SCIN: variants seen among roughly 807,000 people sequenced by gnomAD.
SCIN encodes adseverin.
Under a neutral mutation model 91.8 loss-of-function variants are expected in SCIN, and 91 were observed. The observed-to-expected ratio is 0.99, with a 90% CI of 0.84 to 1.18. The LOEUF is 1.18. SCIN is among the 50% of genes most tolerant of loss of function. The probability of loss-of-function intolerance (pLI) is 0.00; values close to 1 mark genes in which losing one functional copy is unlikely to be tolerated. For missense variants in SCIN, 1,087 were observed against 863.9 expected, an observed-to-expected ratio of 1.26 and a Z score of -3.24; for synonymous variants, 367 against 312.6, an observed-to-expected ratio of 1.17 and a Z score of -1.84.
intron 9 of SCIN, 85 bp downstream of exon 9, chr7:12,629,307 A>G (rs746287125): frequency 8.0e-7 from 1 of 1,256,592 alleles, no homozygotes; most frequent in African/African-American, 1.5e-5. Context: ...TATGGGGTAG[A>G]ATAATCCTAT....
chr7:12,611,390 G>C (rs1031746808), intron 4 of SCIN, among the ~76,000 whole-genome samples: 10 of 152,128 alleles, frequency 6.6e-5, no homozygotes, highest in African/African-American at 2.4e-4. Flanking sequence ...ATTGGAATTT[G>C]GAAGCTTAGG....
intron 3 of SCIN, among the ~76,000 whole-genome samples, chr7:12,603,197 T>A (rs1782994159): frequency 6.6e-6 from 1 of 152,120 alleles, no homozygotes; most frequent in African/African-American, 2.4e-5. Flanking sequence ...CAGGCTGTAG[T>A]GCAATGGCAT....
intron 3 of SCIN, among the ~76,000 whole-genome samples, chr7:12,603,165 GACAGTGTC>G (rs1562608882): frequency 6.6e-6 from 1 of 150,674 alleles, no homozygotes; most frequent in African/African-American, 2.4e-5. Flanking sequence ...TTTTTTTTGA[GACAGTGTC>G]TCGCTCTGTC....
chr7:12,625,649 G>A, intron 6 of SCIN, 113 bp from the exon 7 acceptor site: 1 of 813,340 alleles, frequency 1.2e-6, no homozygotes, highest in South Asian at 1.9e-5. Flanking sequence ...TTCTTTCACT[G>A]CTGTATTTAA....
chr7:12,599,678 A>G (rs906334970), intron 3 of SCIN, among the ~76,000 whole-genome samples: 3 of 151,046 alleles, frequency 2.0e-5, no homozygotes, highest in East Asian at 3.9e-4. Flanking sequence ...CCACACCAAC[A>G]TCTGTTTTTT....
intron 4 of SCIN, among the ~76,000 whole-genome samples, chr7:12,612,981 C>CT (rs2115260487): frequency 1.3e-5 from 2 of 152,196 alleles, no homozygotes; most frequent in East Asian, 3.9e-4. Flanking sequence ...TTAATTTTCC[C>CT]TTTAGCTTGC....
chr7:12,616,183 CTAA>C (rs1783295884), intron 4 of SCIN, among the ~76,000 whole-genome samples: 1 of 152,026 alleles, frequency 6.6e-6, no homozygotes, highest in Non-Finnish European at 1.5e-5. Flanking sequence ...GTTACTGAGA[CTAA>C]TAATGTTACC....
chr7:12,620,949 C>T (rs915268934), intron 4 of SCIN, among the ~76,000 whole-genome samples: 1 of 151,854 alleles, frequency 6.6e-6, no homozygotes, highest in African/African-American at 2.4e-5. Context: ...GTGTTTGTAC[C>T]CCATTAAATT....
intron 11 of SCIN, among the ~76,000 whole-genome samples, chr7:12,640,913 G>A (rs1470624304): frequency 6.6e-6 from 1 of 152,140 alleles, no homozygotes; most frequent in Non-Finnish European, 1.5e-5. Flanking sequence ...TAACAAATAT[G>A]GGAGGCATGT....
rs1784209563 is a variant in SCIN at position 12,658,544 on chromosome 7, G to T, written c.*5829G>T. 1 of 152,194 alleles carries T rather than the reference G, an allele frequency of 6.6e-6. No homozygotes were observed. The highest frequency in any genetic ancestry group is 6.5e-5 in the Admixed American group (1 of 15,282). The allele number at this position is 152,194 out of a possible 1,614,324, so 9.4% of individuals were successfully genotyped here. A position where few individuals can be genotyped will look rare whatever the true frequency, so the allele number is the denominator to read the frequency against. On this transcript the variant is annotated 3_prime_UTR_variant, in exon 16 of 16. Transcript: ENST00000297029. ...TTAGAGTTTTGGCATGCATAATGGA[G>T]TTTATGGCAGAGTTCAGAGGATACA...
intron 1 of SCIN, among the ~76,000 whole-genome samples, chr7:12,574,642 C>A (rs1347473237): frequency 6.6e-6 from 1 of 152,050 alleles, no homozygotes; most frequent in Non-Finnish European, 1.5e-5. Context: ...ATATGTTAAG[C>A]TATACTGTAA....
At chr7:12,639,743 A>G (rs957815777) in intron 10 of SCIN, among the ~76,000 whole-genome samples, 3 of 152,206 alleles carry the variant, frequency 2.0e-5, no homozygotes, top group African/African-American at 7.2e-5. Context: ...GGTAAGTTAA[A>G]AAGTAGAAAA....
rs1214207600 is a variant in SCIN at position 12,657,570 on chromosome 7, ATATTTTTTTT to A, written c.*4857_*4866del. ...TATATATATATATATATATATATATATATTTTTTTTTTTTTTTTTTTTTTTTTTGCATTGG... is the reference window on the plus strand; with the variant it reads ...TATATATATATATATATATATATATATTTTTTTTTTTTTTTTTTGCATTGG... On this transcript the variant is annotated 3_prime_UTR_variant, in exon 16 of 16. Coordinates refer to ENST00000297029, the MANE Select transcript of SCIN (RefSeq NM_001112706.3). 1.4e-4 allele frequency: 3 copies of A among 20,856 alleles called. No individual in the cohort carries two copies. The highest frequency in any genetic ancestry group is 2.2e-4 in the Non-Finnish European group (2 of 9,148). The allele number at this position is 20,856 out of a possible 1,614,324, so 1.3% of individuals were successfully genotyped here.
intron 8 of SCIN, 52 bp downstream of exon 8, chr7:12,626,851 G>T (rs1783535918): frequency 2.1e-6 from 3 of 1,433,142 alleles, no homozygotes; most frequent in Non-Finnish European, 2.9e-6. Context: ...GTGTATGTAG[G>T]GGGAGGGTGG....
rs965141068 is a variant in SCIN, at chr7:12,656,404, TATTTATTTTAAACCTA to T, written c.*3714_*3729del. 9.2e-5 allele frequency: 14 copies of T among 152,334 alleles called. No homozygotes were observed. Among genetic ancestry groups the T allele is most frequent in the East Asian group, 3.9e-4 (2 of 5,184 alleles). The allele number at this position is 152,334 out of a possible 1,614,324, so 9.4% of individuals were successfully genotyped here. The stretch of plus-strand genomic sequence containing the variant: ...AACCTAATTTATTTTAAACCTAATT[TATTTATTTTAAACCTA>T]ATTTATTTTAAACCTAATTTATTTA... On this transcript the variant is annotated 3_prime_UTR_variant, in exon 16 of 16. Transcript: ENST00000297029.
In SCIN at chr7:12,657,972, AT is replaced by A. The variant is rs2115312527; in HGVS notation, c.*5259del. 6.6e-6 allele frequency: 1 copy of A among 152,224 alleles called. No individual in the cohort carries two copies. The highest frequency in any genetic ancestry group is 2.1e-4 in the South Asian group (1 of 4,814). The allele number at this position is 152,224 out of a possible 1,614,324, so 9.4% of individuals were successfully genotyped here. On this transcript the variant is annotated 3_prime_UTR_variant, in exon 16 of 16. Transcript: ENST00000297029. ...GACAAACTCCATCTTATTTAGAGAGATTATTTTTGATGTTATTATAATAAAA... is the reference window on the plus strand; with the variant it reads ...GACAAACTCCATCTTATTTAGAGAGATATTTTTGATGTTATTATAATAAAA...
chr7:12,626,955 T>C (rs1783538373), intron 8 of SCIN, among the ~76,000 whole-genome samples, 156 bp downstream of exon 8: 1 of 152,040 alleles, frequency 6.6e-6, no homozygotes, highest in South Asian at 2.1e-4. Flanking sequence ...CCAGGTGTGA[T>C]GGAGCTCGCC....
chr7:12,628,038 TGTG>T (rs1783565740), intron 8 of SCIN, among the ~76,000 whole-genome samples: 1 of 128,938 alleles, frequency 7.8e-6, no homozygotes, highest in Non-Finnish European at 1.7e-5. Context: ...CGCGCGTGTG[TGTG>T]TGTGTGTGTG....
rs1783417725 is a variant in SCIN at position 12,621,852 on chromosome 7, T to C, written c.667-949T>C. Among the ~76,000 whole-genome samples, 8 of 151,824 alleles carry C rather than the reference T, an allele frequency of 5.3e-5. No individual in the cohort carries two copies. The South Asian group carries it at 1.7e-3, about 31-fold the overall frequency. On this transcript the variant is annotated intron_variant, in intron 4 of 15. Coordinates refer to ENST00000297029, the MANE Select transcript of SCIN (RefSeq NM_001112706.3). ...CAAGGATTAAAGTACATTTTTATTG[T>C]TTTCTGGTATTTTGCAGTACACATT...
Sources: gnomAD v4.1 joint callset for allele counts (sites outside exome capture counted in the v4.1 genomes callset) on GRCh38, gnomAD v4.1.1 for gene constraint, MANE v1.5 for transcripts, NCBI Gene and HGNC (gene_info 2026-07-23, HGNC 2026-07-21) for gene names.